DCDC1: variants seen among roughly 807,000 people sequenced by gnomAD.
DCDC1 encodes the protein doublecortin domain containing 1, also known as doublecortin domain-containing protein 1.
A neutral mutation model predicts 178.3 loss-of-function variants in DCDC1; 200 were observed. The observed-to-expected ratio is 1.12, with a 90% CI of 1.00 to 1.26. The LOEUF (loss-of-function observed/expected upper bound fraction) is 1.26, where lower values mean the gene tolerates loss of function less well. DCDC1 is among the 50% of genes most tolerant of loss of function. DCDC1 has a pLI of 0.00. For missense variants in DCDC1, 1,983 were observed against 1,749.2 expected, an observed-to-expected ratio of 1.13 and a Z score of -2.38; for synonymous variants, 690 against 604.8, an observed-to-expected ratio of 1.14 and a Z score of -2.07.
chr11:31,244,838 G>A (rs1370617350), intron 8 of DCDC1, among the ~76,000 whole-genome samples: 1 of 151,620 alleles, frequency 6.6e-6, no homozygotes, highest in Non-Finnish European at 1.5e-5. Flanking sequence ...TATGACTATA[G>A]GGCAAAATTA....
chr11:30,911,280 A>G, intron 28 of DCDC1, 47 bp downstream of exon 28: 1 of 1,491,666 alleles, frequency 6.7e-7, no homozygotes, highest in Non-Finnish European at 9.2e-7. Flanking sequence ...GCTTTACTTA[A>G]ATTTAATTAA....
intron 28 of DCDC1, 21 bp downstream of exon 28, chr11:30,911,306 C>T: frequency 1.3e-6 from 2 of 1,568,102 alleles, no homozygotes; most frequent in Admixed American, 1.8e-5. Context: ...CATGACTAAT[C>T]TTTAGCCATA....
chr11:30,939,164 C>A (rs1413336099), intron 21 of DCDC1, among the ~76,000 whole-genome samples: 2 of 152,158 alleles, frequency 1.3e-5, no homozygotes, highest in Non-Finnish European at 2.9e-5. Flanking sequence ...CACGAGGTTG[C>A]CTGGTTGCCG....
chr11:30,948,807 G>GAAAAT (rs1234455782), intron 21 of DCDC1, among the ~76,000 whole-genome samples: 1 of 152,136 alleles, frequency 6.6e-6, no homozygotes, highest in African/African-American at 2.4e-5. Flanking sequence ...GCAATATGCA[G>GAAAAT]AAAATTGAAA....
intron 9 of DCDC1, among the ~76,000 whole-genome samples, chr11:31,229,334 G>C (rs1048820358): frequency 2.6e-5 from 4 of 151,824 alleles, no homozygotes; most frequent in African/African-American, 9.7e-5. Context: ...CAAGATCAGA[G>C]ATATAAAAAT....
At chr11:31,012,607 C>CAAAAA (rs780824791) in intron 20 of DCDC1, among the ~76,000 whole-genome samples, 5 of 74,368 alleles carry the variant, frequency 6.7e-5, no homozygotes, top group Admixed American at 1.4e-4. Flanking sequence ...CCTGTCTCAA[C>CAAAAA]AAAAAAAAAA....
chr11:30,965,870 C>G lies in DCDC1; in HGVS notation c.2592-13302G>C, dbSNP rs1405637549. 2.3e-4 allele frequency among the ~76,000 whole-genome samples: 27 copies of G among 116,514 alleles called. No individual in the cohort carries two copies. The East Asian group carries it at 5.7e-3, about 25-fold the overall frequency. The allele number at this position is 116,514 out of a possible 152,430, so 76.4% of individuals were successfully genotyped here. ...TGCGGTGTTTGGTTTTTTGTTCTTG[C>G]GATAGTTTACTGAGAATGATGGTTT... is the stretch of plus-strand genomic sequence containing the variant. On this transcript the variant is annotated intron_variant, in intron 20 of 38. Transcript: ENST00000684477.
chr11:31,227,045 A>T (rs1975064090), intron 9 of DCDC1, among the ~76,000 whole-genome samples: 1 of 152,186 alleles, frequency 6.6e-6, no homozygotes, highest in African/African-American at 2.4e-5. Context: ...AAAAAGCTAA[A>T]TATATAAACA....
Position 31,332,837 on chromosome 11 carries a change from C to T in DCDC1, c.-7+2610G>A, listed in dbSNP as rs143143785. 9.5e-4 allele frequency among the ~76,000 whole-genome samples: 145 copies of T among 152,266 alleles called. 1 individual carries two copies. In the East Asian group the frequency reaches 0.024, roughly 25 times the overall value. On this transcript the variant is annotated intron_variant, in intron 2 of 38. Transcript: ENST00000684477. Reference sequence around the variant, plus strand: ...ATTTTGGAATAACTCCAGTGTGGTGCTGAGAAGAATGTATATTCTGCTGAT... The same window carrying T: ...ATTTTGGAATAACTCCAGTGTGGTGTTGAGAAGAATGTATATTCTGCTGAT...
At chr11:31,031,379 A>T (rs1953623080) in intron 20 of DCDC1, among the ~76,000 whole-genome samples, 1 of 152,154 alleles carries the variant, frequency 6.6e-6, no homozygotes, top group Non-Finnish European at 1.5e-5. Context: ...AATATCTGAG[A>T]TCAAAGAGCT....
chr11:30,881,851 T>C (rs1276598078), intron 36 of DCDC1, among the ~76,000 whole-genome samples: 1 of 152,190 alleles, frequency 6.6e-6, no homozygotes, highest in East Asian at 1.9e-4. Flanking sequence ...TAGAGAGGCC[T>C]TATTAAACTT....
At chr11:30,873,358 TATATATAG>T (rs1353860249) in intron 38 of DCDC1, among the ~76,000 whole-genome samples, 10 of 138,050 alleles carry the variant, frequency 7.2e-5, no homozygotes, top group Non-Finnish European at 9.2e-5. Flanking sequence ...TATATATATA[TATATATAG>T]AGAGAGAGAG....
At chr11:31,220,350 GT>G (rs1974113745) in intron 9 of DCDC1, among the ~76,000 whole-genome samples, 1 of 152,054 alleles carries the variant, frequency 6.6e-6, no homozygotes, top group Non-Finnish European at 1.5e-5. Context: ...AATACTAAAT[GT>G]TTCACCAAAT....
chr11:30,944,333 T>A (rs769028044), intron 21 of DCDC1: 56 of 456,694 alleles, frequency 1.2e-4, no homozygotes, highest in Non-Finnish European at 2.3e-4. Flanking sequence ...TTGCTCTGTC[T>A]GCATTGCCTA....
At chr11:31,334,614 T>C (rs1950178039) in intron 2 of DCDC1, among the ~76,000 whole-genome samples, 1 of 152,234 alleles carries the variant, frequency 6.6e-6, no homozygotes, top group Non-Finnish European at 1.5e-5. Context: ...TTCTGTTTGT[T>C]AGTTTTCCTT....
chr11:31,072,659 A>G (rs769707417), intron 18 of DCDC1, among the ~76,000 whole-genome samples: 1 of 152,154 alleles, frequency 6.6e-6, no homozygotes, highest in Non-Finnish European at 1.5e-5. Context: ...TAATTTTACT[A>G]ACTTTTTGTA....
chr11:31,007,426 T>TG (rs1951912539), intron 20 of DCDC1, among the ~76,000 whole-genome samples: 1 of 152,178 alleles, frequency 6.6e-6, no homozygotes, highest in South Asian at 2.1e-4. Flanking sequence ...GTGTAGTAAC[T>TG]GGTCCGTCAG....
Position 31,077,922 on chromosome 11 carries a change from A to G in DCDC1, c.2241T>C (p.His747=), listed in dbSNP as rs1268484586. 2 of 766,106 alleles carry G rather than the reference A, an allele frequency of 2.6e-6. No individual in the cohort carries two copies. Among genetic ancestry groups the G allele is most frequent in the Non-Finnish European group, 2.4e-6 (1 of 417,702 alleles). The allele number at this position is 766,106 out of a possible 1,614,324, so 47.5% of individuals were successfully genotyped here. A position where few individuals can be genotyped will look rare whatever the true frequency, so the allele number is the denominator to read the frequency against. The change falls in exon 18 of 39, where the codon CAT becomes CAC. Residue 747 remains histidine, a synonymous_variant. Coordinates refer to ENST00000684477, the MANE Select transcript of DCDC1 (RefSeq NM_001387274.1). Reference sequence around the variant, plus strand: ...CCCACTTCTGAGAGTCATCTCCACTATGTCTGTAACGAAAATGTAATTTAG... The same window carrying G: ...CCCACTTCTGAGAGTCATCTCCACTGTGTCTGTAACGAAAATGTAATTTAG... ...EGYKLILQKR[H]SGDDSQKWVF... is the part of the protein sequence containing the mutation.
At chr11:30,874,211 T>G (rs1383845146) in intron 38 of DCDC1, among the ~76,000 whole-genome samples, 1 of 152,196 alleles carries the variant, frequency 6.6e-6, no homozygotes, top group African/African-American at 2.4e-5. Context: ...TGGCAAAGTT[T>G]CTTACACTGT....
Sources: allele counts gnomAD v4.1 joint callset (sites outside exome capture counted in the v4.1 genomes callset), GRCh38; gene constraint gnomAD v4.1.1; transcripts MANE v1.5; gene names NCBI Gene and HGNC (gene_info 2026-07-23, HGNC 2026-07-21).